Variants in CDH13 observed in about 807,000 individuals in gnomAD.
CDH13 encodes cadherin 13.
Under a neutral mutation model 63.8 loss-of-function variants are expected in CDH13, and 24 were observed. That is an observed-to-expected ratio of 0.38 (90% CI 0.27 to 0.53). The LOEUF is 0.53. Among genes scored for constraint, CDH13 ranks in the 20% least tolerant of loss-of-function variants. The pLI, the probability that CDH13 is intolerant of heterozygous loss-of-function variation, is 0.85. For missense variants in CDH13, 1,049 were observed against 903.1 expected (o/e 1.16, Z -2.07); for synonymous variants, 503 against 355.3 (o/e 1.42, Z -4.67).
At chr16:83,165,439 A>T (rs1227683777) in intron 4 of CDH13, among the ~76,000 whole-genome samples, 1 of 152,128 alleles carries the variant, frequency 6.6e-6, no homozygotes, top group Admixed American at 6.6e-5. Context: ...CCTTTTTATT[A>T]TGCAAAACCT....
At chr16:83,286,290 G>A (rs1454060343) in intron 5 of CDH13, among the ~76,000 whole-genome samples, 6 of 152,198 alleles carry the variant, frequency 3.9e-5, no homozygotes. Flanking sequence ...GACATTTGCA[G>A]TTGACTTTAC....
chr16:83,573,191 T>G (rs115273115), intron 7 of CDH13, among the ~76,000 whole-genome samples: 1 of 152,128 alleles, frequency 6.6e-6, no homozygotes, highest in East Asian at 1.9e-4. Context: ...ATCATTGAAT[T>G]TGGGGAGGTA....
chr16:82,652,862 A>G (rs1910887917), intron 1 of CDH13, among the ~76,000 whole-genome samples: 1 of 152,170 alleles, frequency 6.6e-6, no homozygotes, highest in African/African-American at 2.4e-5. Context: ...AGGCACATTT[A>G]ACAAAGACCA....
chr16:83,077,890 C>T (rs1415968499), intron 3 of CDH13, among the ~76,000 whole-genome samples: 2 of 152,108 alleles, frequency 1.3e-5, no homozygotes, highest in African/African-American at 4.8e-5. Flanking sequence ...TTAATTTTAG[C>T]GATTCTGGTG....
chr16:83,440,221 T>G (rs951921075), intron 6 of CDH13, among the ~76,000 whole-genome samples: 1 of 152,130 alleles, frequency 6.6e-6, no homozygotes, highest in African/African-American at 2.4e-5. Flanking sequence ...GGTCACAGAG[T>G]TGTAGACAGG....
At chr16:83,461,801 T>G (rs547208339) in intron 6 of CDH13, among the ~76,000 whole-genome samples, 1 of 152,292 alleles carries the variant, frequency 6.6e-6, no homozygotes, top group East Asian at 1.9e-4. Flanking sequence ...CGGAGGGGAA[T>G]GTATAAGAGC....
At chr16:83,454,013 C>G (rs906061746) in intron 6 of CDH13, among the ~76,000 whole-genome samples, 1 of 152,218 alleles carries the variant, frequency 6.6e-6, no homozygotes, top group East Asian at 1.9e-4. Context: ...TCATCTTTAT[C>G]TTTGCAACTT....
At chr16:83,031,437 A>G (rs913136703) in intron 2 of CDH13, among the ~76,000 whole-genome samples, 1 of 149,920 alleles carries the variant, frequency 6.7e-6, no homozygotes, top group Non-Finnish European at 1.5e-5. Context: ...ATATACATGT[A>G]CATGTATATG....
At chr16:82,828,840 A>C (rs138811057) in intron 1 of CDH13, among the ~76,000 whole-genome samples, 2 of 152,170 alleles carry the variant, frequency 1.3e-5, no homozygotes, top group Admixed American at 1.3e-4. Context: ...ATATGTATAG[A>C]TTATATGCGA....
chr16:83,352,727 A>G (rs188779386), intron 6 of CDH13, among the ~76,000 whole-genome samples: 1 of 152,160 alleles, frequency 6.6e-6, no homozygotes, highest in South Asian at 2.1e-4. Context: ...CGTCTCTACT[A>G]AAAATACAAA....
intron 1 of CDH13, among the ~76,000 whole-genome samples, chr16:82,661,003 C>T (rs2150924907): frequency 6.6e-6 from 1 of 152,198 alleles, no homozygotes; most frequent in East Asian, 1.9e-4. Context: ...CCACCTTCTC[C>T]CCTCCTGGGG....
In CDH13 at chr16:83,556,112, G is replaced by A. The variant is rs566245048; in HGVS notation, c.961-46342G>A. ...TAAATCGTGTAGGCACAGTATAAAA[G>A]TTAGTCTTTCATGTTGTGTCTGCCT... On this transcript the variant is annotated intron_variant, in intron 7 of 13. Coordinates refer to ENST00000567109, the MANE Select transcript of CDH13 (RefSeq NM_001257.5). Among the ~76,000 whole-genome samples the A allele has an allele frequency of 1.5e-4, 23 of 152,238 alleles. No homozygotes were observed. In the South Asian group the frequency reaches 3.9e-3, roughly 26 times the overall value.
At chr16:83,337,306 C>T (rs1009383529) in intron 5 of CDH13, among the ~76,000 whole-genome samples, 1 of 152,146 alleles carries the variant, frequency 6.6e-6, no homozygotes, top group Non-Finnish European at 1.5e-5. Flanking sequence ...CAACAGGGCC[C>T]TAAACTCAAG....
rs978462002 is a variant in CDH13 at position 82,908,091 on chromosome 16, C to T, written c.157+49618C>T. 3.3e-5 allele frequency among the ~76,000 whole-genome samples: 5 copies of T among 151,852 alleles called. No homozygotes were observed. The East Asian group carries it at 9.7e-4, about 29-fold the overall frequency. On this transcript the variant is annotated intron_variant, in intron 2 of 13. Transcript: ENST00000567109. Reference sequence around the variant, plus strand: ...TATTGTGCTTATTATTTTATTGGACCACACTATCCTTAACCTAGAGAAGAA... The same window carrying T: ...TATTGTGCTTATTATTTTATTGGACTACACTATCCTTAACCTAGAGAAGAA...
intron 2 of CDH13, among the ~76,000 whole-genome samples, chr16:82,871,734 T>G (rs1401404120): frequency 6.6e-6 from 1 of 152,164 alleles, no homozygotes; most frequent in Non-Finnish European, 1.5e-5. Flanking sequence ...TGAGTTGGCT[T>G]TGGAAACACT....
chr16:83,228,685 T>C (rs1448628405), intron 5 of CDH13, among the ~76,000 whole-genome samples: 1 of 151,856 alleles, frequency 6.6e-6, no homozygotes, highest in Non-Finnish European at 1.5e-5. Flanking sequence ...TCCAGCGGAG[T>C]GCGTGCAGTT....
intron 1 of CDH13, among the ~76,000 whole-genome samples, chr16:82,730,608 G>C (rs2033351327): frequency 6.6e-6 from 1 of 152,162 alleles, no homozygotes; most frequent in African/African-American, 2.4e-5. Context: ...AATATTGCAG[G>C]AAAGACCAAA....
At chr16:82,627,173 C>T (rs1387818489) in intron 1 of CDH13, 36 bp downstream of exon 1, 7 of 1,569,652 alleles carry the variant, frequency 4.5e-6, no homozygotes, top group Non-Finnish European at 6.1e-6. Context: ...GCTCTGCGCC[C>T]CGTTTCTGCA....
chr16:82,670,983 T>G (rs1434654018), intron 1 of CDH13, among the ~76,000 whole-genome samples: 1 of 152,202 alleles, frequency 6.6e-6, no homozygotes, highest in Non-Finnish European at 1.5e-5. Flanking sequence ...ACAATGATGA[T>G]TATCATGTAT....
Sources: allele counts gnomAD v4.1 joint callset (sites outside exome capture counted in the v4.1 genomes callset), GRCh38; gene constraint gnomAD v4.1.1; transcripts MANE v1.5; gene names NCBI Gene and HGNC (gene_info 2026-07-23, HGNC 2026-07-21).